The following KIRREL3 variants were observed in gnomAD, a reference collection of about 807,000 sequenced individuals.
The protein encoded by KIRREL3 is kirre like nephrin family adhesion molecule 3, also known as kin of IRRE-like protein 3.
A neutral mutation model predicts 89.7 loss-of-function variants in KIRREL3; 36 were observed. The observed-to-expected ratio is 0.40, with a 90% confidence interval of 0.31 to 0.53. The LOEUF is 0.53. KIRREL3 is among the 20% of genes least tolerant of loss of function. The probability of loss-of-function intolerance (pLI) is 0.49; values close to 1 mark genes in which losing one functional copy is unlikely to be tolerated. For missense variants in KIRREL3, 864 were observed against 1,056.6 expected (o/e 0.82, Z 2.53); for synonymous variants, 445 against 441.4 (o/e 1.01, Z -0.10).
rs529205606 is a variant in KIRREL3, at chr11:126,973,055, C to G, written c.55+27400G>C. Among the ~76,000 whole-genome samples, 10 of 109,160 alleles carry G rather than the reference C, an allele frequency of 9.2e-5. No individual in the cohort carries two copies. The South Asian group carries it at 3.1e-3, about 34-fold the overall frequency. The allele number at this position is 109,160 out of a possible 152,430, so 71.6% of individuals were successfully genotyped here. A position where few individuals can be genotyped will look rare whatever the true frequency, so the allele number is the denominator to read the frequency against. On this transcript the variant is annotated intron_variant, in intron 1 of 16. Coordinates refer to ENST00000525144, the MANE Select transcript of KIRREL3 (RefSeq NM_032531.4). ...TGCTGAACCCAGAGAGACTGGAGAA[C>G]AATTTAGCAGACAACTTATTCCACT...
At chr11:126,962,653 G>C (rs971887741) in intron 1 of KIRREL3, among the ~76,000 whole-genome samples, 6 of 152,320 alleles carry the variant, frequency 3.9e-5, no homozygotes, top group African/African-American at 1.2e-4. Context: ...GATTTGAGAG[G>C]ATGGACCTAA....
At chr11:126,674,689 A>G (rs952162121) in intron 1 of KIRREL3, among the ~76,000 whole-genome samples, 1 of 152,202 alleles carries the variant, frequency 6.6e-6, no homozygotes, top group Admixed American at 6.5e-5. Context: ...TGGAGGAGTT[A>G]GTGGAGAAGG....
At chr11:126,854,120 AG>A (rs1419352865) in intron 1 of KIRREL3, among the ~76,000 whole-genome samples, 1 of 93,914 alleles carries the variant, frequency 1.1e-5, no homozygotes. Flanking sequence ...TCCAGTAATA[AG>A]TTTCTTGTGT....
rs1279122069 is a variant in KIRREL3 at position 126,946,479 on chromosome 11, G to T, written c.55+53976C>A. Among the ~76,000 whole-genome samples, 1 of 152,160 alleles carries T rather than the reference G, an allele frequency of 6.6e-6. No homozygotes were observed. The highest frequency in any genetic ancestry group is 1.5e-5 in the Non-Finnish European group (1 of 68,032). Reference sequence around the variant, plus strand: ...CAGTTGAAAAAGGACTAATACAAATGCCCATAAAATCTACAGACTAGACTA... The same window carrying T: ...CAGTTGAAAAAGGACTAATACAAATTCCCATAAAATCTACAGACTAGACTA... On this transcript the variant is annotated intron_variant, in intron 1 of 16. Transcript: ENST00000525144. This position sits in a 1 kb window ranked among gnomAD's most constrained non-coding sequence, Gnocchi z 4.1.
rs1398825859 is a variant in KIRREL3 at position 126,724,007 on chromosome 11, G to C, written c.56-161095C>G. Among the ~76,000 whole-genome samples the C allele has an allele frequency of 6.6e-6, 1 of 152,154 alleles. No homozygotes were observed. Among genetic ancestry groups the C allele is most frequent in the Admixed American group, 6.5e-5 (1 of 15,278 alleles). On this transcript the variant is annotated intron_variant, in intron 1 of 16. Coordinates refer to ENST00000525144, the MANE Select transcript of KIRREL3 (RefSeq NM_032531.4). The surrounding 1 kb of genome is among the most constrained non-coding windows in gnomAD (Gnocchi z 4.3). ...ATGATGATTAAAAGAAGTGTAGGCA[G>C]CTCCAAGGCCACACATGAAAAGAGA...
rs1449282531 is a variant in KIRREL3 at position 126,639,976 on chromosome 11, T to A, written c.56-77064A>T. ...ACTTATGCTAAATTACAGTAAAGCA[T>A]CTATGGAGGAACTTGATGTGACATC... is the stretch of plus-strand genomic sequence containing the variant. On this transcript the variant is annotated intron_variant, in intron 1 of 16. Coordinates refer to ENST00000525144, the MANE Select transcript of KIRREL3 (RefSeq NM_032531.4). This position sits in a 1 kb window ranked among gnomAD's most constrained non-coding sequence, Gnocchi z 4.3. Among the ~76,000 whole-genome samples, 1 of 152,124 alleles carries A rather than the reference T, an allele frequency of 6.6e-6. No individual in the cohort carries two copies. Among genetic ancestry groups the A allele is most frequent in the Non-Finnish European group, 1.5e-5 (1 of 68,018 alleles).
rs1308412045 is a variant in KIRREL3, at chr11:126,715,449, A to G, written c.56-152537T>C. ...CTCTCCTTTCCTGGGGATTGTTGACAGCTCAAGACCACATGGGCTCATCAC... is the reference window on the plus strand; with the variant it reads ...CTCTCCTTTCCTGGGGATTGTTGACGGCTCAAGACCACATGGGCTCATCAC... On this transcript the variant is annotated intron_variant, in intron 1 of 16. Coordinates refer to ENST00000525144, the MANE Select transcript of KIRREL3 (RefSeq NM_032531.4). The surrounding 1 kb of genome is among the most constrained non-coding windows in gnomAD (Gnocchi z 4.4). Among the ~76,000 whole-genome samples, 3 of 152,200 alleles carry G rather than the reference A, an allele frequency of 2.0e-5. No individual in the cohort carries two copies. Among genetic ancestry groups the G allele is most frequent in the Non-Finnish European group, 4.4e-5 (3 of 68,036 alleles).
rs141126184 is a variant in KIRREL3, at chr11:126,520,084, T to G, written c.433+1231A>C. Among the ~76,000 whole-genome samples, 2 of 152,176 alleles carry G rather than the reference T, an allele frequency of 1.3e-5. No homozygotes were observed. The highest frequency in any genetic ancestry group is 1.3e-4 in the Admixed American group (2 of 15,274). On this transcript the variant is annotated intron_variant, in intron 4 of 16. Coordinates refer to ENST00000525144, the MANE Select transcript of KIRREL3 (RefSeq NM_032531.4). The surrounding 1 kb of genome is among the most constrained non-coding windows in gnomAD (Gnocchi z 4.9). The stretch of plus-strand genomic sequence containing the variant: ...AAGCTCCGAGCTTGGTAAGTGGTCC[T>G]CCGGGGCCTGTCTGCTGCACTGCTT...
rs1198158931 is a variant in KIRREL3 at position 126,761,010 on chromosome 11, C to T, written c.56-198098G>A. Reference sequence around the variant, plus strand: ...ACCCTCCAGGACAGATACCGTTAAACATAAATGAAAGAGGGAAGATGAAGC... The same window carrying T: ...ACCCTCCAGGACAGATACCGTTAAATATAAATGAAAGAGGGAAGATGAAGC... On this transcript the variant is annotated intron_variant, in intron 1 of 16. Transcript: ENST00000525144. The surrounding 1 kb of genome is among the most constrained non-coding windows in gnomAD (Gnocchi z 4.4). 6.6e-6 allele frequency among the ~76,000 whole-genome samples: 1 copy of T among 152,168 alleles called. No individual in the cohort carries two copies. The highest frequency in any genetic ancestry group is 1.5e-5 in the Non-Finnish European group (1 of 68,038).
chr11:126,486,788 T>G lies in KIRREL3; in HGVS notation c.434-13322A>C, dbSNP rs767157296. On this transcript the variant is annotated intron_variant, in intron 4 of 16. Coordinates refer to ENST00000525144, the MANE Select transcript of KIRREL3 (RefSeq NM_032531.4). This position sits in a 1 kb window ranked among gnomAD's most constrained non-coding sequence, Gnocchi z 6.2. ...CCACTCAGTCCTAACTGCGGTACCA[T>G]AGGCTGTGCTAGCAGGAGGATCTGC... is the stretch of plus-strand genomic sequence containing the variant. 6.6e-6 allele frequency among the ~76,000 whole-genome samples: 1 copy of G among 152,210 alleles called. No homozygotes were observed. Among genetic ancestry groups the G allele is most frequent in the South Asian group, 2.1e-4 (1 of 4,832 alleles).
At chr11:126,592,198 G>C (rs1011667133) in intron 1 of KIRREL3, among the ~76,000 whole-genome samples, 23 of 152,116 alleles carry the variant, frequency 1.5e-4, no homozygotes, top group African/African-American at 5.6e-4. Flanking sequence ...AACAGTTATT[G>C]TCGTAATCCT....
rs2134293196 is a variant in KIRREL3, at chr11:126,476,305, A to ACC, written c.434-2841_434-2840dup. Among the ~76,000 whole-genome samples the ACC allele has an allele frequency of 6.6e-6, 1 of 152,262 alleles. No homozygotes were observed. The highest frequency in any genetic ancestry group is 1.9e-4 in the East Asian group (1 of 5,166). ...GCTCCCCAGGGGGTCCCATGGCAGG[A>ACC]CCAGCTTTCTGGGCTCTGGACTCTG... On this transcript the variant is annotated intron_variant, in intron 4 of 16. Transcript: ENST00000525144. This position sits in a 1 kb window ranked among gnomAD's most constrained non-coding sequence, Gnocchi z 6.4.
rs371748740 is a variant in KIRREL3, at chr11:126,613,893, T to TTTTTTTTTTTTTG, written c.56-50982_56-50981insCAAAAAAAAAAAA. Among the ~76,000 whole-genome samples the TTTTTTTTTTTTTG allele has an allele frequency of 1.3e-4, 15 of 118,646 alleles. 1 individual carries two copies. The highest frequency in any genetic ancestry group is 2.6e-4 in the East Asian group (1 of 3,848). 77.8% of individuals were successfully genotyped at this position (118,646 alleles called of 152,430 possible). On this transcript the variant is annotated intron_variant, in intron 1 of 16. Transcript: ENST00000525144. ...TTGCTTTTTTTTTTTTTTTTTTTTT[T>TTTTTTTTTTTTTG]ATTTTTTTCCCCATAGCCTTTATCT...
chr11:126,689,087 G>A lies in KIRREL3; in HGVS notation c.56-126175C>T, dbSNP rs1352053671. ...GAGAGAGAGAGAGAGAGAGAGTATT[G>A]TAATAACGTATTGAGCATGAGCTGC... On this transcript the variant is annotated intron_variant, in intron 1 of 16. Coordinates refer to ENST00000525144, the MANE Select transcript of KIRREL3 (RefSeq NM_032531.4). This position sits in a 1 kb window ranked among gnomAD's most constrained non-coding sequence, Gnocchi z 5.2. Among the ~76,000 whole-genome samples the A allele has an allele frequency of 1.4e-5, 2 of 140,582 alleles. No homozygotes were observed. The highest frequency in any genetic ancestry group is 2.3e-4 in the East Asian group (1 of 4,404). The allele number at this position is 140,582 out of a possible 152,430, so 92.2% of individuals were successfully genotyped here.
chr11:126,907,001 T>C (rs1490523089), intron 1 of KIRREL3, among the ~76,000 whole-genome samples: 1 of 152,196 alleles, frequency 6.6e-6, no homozygotes, highest in Non-Finnish European at 1.5e-5. Context: ...TAGTTTCCTT[T>C]TGTTGTACAA....
rs1020224061 is a variant in KIRREL3, at chr11:126,601,133, T to A, written c.56-38221A>T. On this transcript the variant is annotated intron_variant, in intron 1 of 16. Transcript: ENST00000525144. The surrounding 1 kb of genome is among the most constrained non-coding windows in gnomAD (Gnocchi z 5.8). Reference sequence around the variant, plus strand: ...AAAGCACAGAGCAATCTTTCCAATCTAGGAAGCAATAAAGAAATGTATTTA... The same window carrying A: ...AAAGCACAGAGCAATCTTTCCAATCAAGGAAGCAATAAAGAAATGTATTTA... Among the ~76,000 whole-genome samples the A allele has an allele frequency of 4.0e-5, 6 of 151,774 alleles. No individual in the cohort carries two copies. Among genetic ancestry groups the A allele is most frequent in the Non-Finnish European group, 8.8e-5 (6 of 67,972 alleles).
At chr11:126,452,257 G>A (rs1267212637) in intron 7 of KIRREL3, among the ~76,000 whole-genome samples, 1 of 152,226 alleles carries the variant, frequency 6.6e-6, no homozygotes, top group Non-Finnish European at 1.5e-5. Flanking sequence ...ACCATTATGA[G>A]TTATTCATGT....
At position 126,932,452 on chromosome 11, in the gene KIRREL3, A is replaced by G. The variant is rs116083662; in HGVS notation, c.55+68003T>C. Among the ~76,000 whole-genome samples, 360 of 152,224 alleles carry G rather than the reference A, an allele frequency of 2.4e-3. 1 individual carries two copies. The highest frequency in any genetic ancestry group is 8.2e-3 in the African/African-American group (342 of 41,514). Reference sequence around the variant, plus strand: ...AGTGGGGGGTCCTATTTCAAGACTGATTTCAAATAGCACATTTTGAAATTC... The same window carrying G: ...AGTGGGGGGTCCTATTTCAAGACTGGTTTCAAATAGCACATTTTGAAATTC... On this transcript the variant is annotated intron_variant, in intron 1 of 16. Transcript: ENST00000525144.
At chr11:126,921,603 T>G in intron 1 of KIRREL3, among the ~76,000 whole-genome samples, 1 of 79,856 alleles carries the variant, frequency 1.3e-5, no homozygotes, top group Non-Finnish European at 2.7e-5. Flanking sequence ...TCTATCTATC[T>G]ATCTATCTAT....
Sources: gnomAD v4.1 joint callset for allele counts (sites outside exome capture counted in the v4.1 genomes callset) on GRCh38, gnomAD v4.1.1 for gene constraint, Gnocchi (gnomAD v3.1) non-coding constraint, MANE v1.5 for transcripts, NCBI Gene and HGNC (gene_info 2026-07-23, HGNC 2026-07-21) for gene names.